Variants in USP32 observed in about 807,000 individuals in gnomAD.
USP32 encodes ubiquitin carboxyl-terminal hydrolase 32.
USP32 carries 59 observed loss-of-function variants against 204.8 expected under a neutral mutation model. The ratio of observed to expected loss-of-function variants is 0.29; its 90% CI spans 0.23 to 0.36. USP32 has a LOEUF of 0.36. USP32 is among the 10% of genes least tolerant of loss of function. The pLI is 1.00. For synonymous variants in USP32, 517 were observed against 678.4 expected, an observed-to-expected ratio of 0.76 and a Z score of 3.70; for missense variants, 1,160 against 1,946.4, an observed-to-expected ratio of 0.60 and a Z score of 7.60.
chr17:60,386,871 G>T (rs1369275018), intron 1 of USP32, among the ~76,000 whole-genome samples: 1 of 152,196 alleles, frequency 6.6e-6, no homozygotes, highest in Non-Finnish European at 1.5e-5. Flanking sequence ...TGAAATTAGT[G>T]AAACAGTGAG....
Position 60,198,451 on chromosome 17 carries a change from G to A in USP32, c.3250-7C>T, listed in dbSNP as rs758926881. ...AATACAGTTCTGTCCTCATCTGTAT[G>A]TACAAACAAGAGAATAGAGAGTTCA... On this transcript the variant is annotated splice_polypyrimidine_tract_variant and splice_region_variant and intron_variant, in intron 26 of 33. Coordinates refer to ENST00000300896, the MANE Select transcript of USP32 (RefSeq NM_032582.4). The A allele has an allele frequency of 6.2e-7, 1 of 1,613,166 alleles. No homozygotes were observed. Among genetic ancestry groups the A allele is most frequent in the Admixed American group, 1.7e-5 (1 of 59,766 alleles).
At chr17:60,281,074 A>G (rs1221770267) in intron 5 of USP32, among the ~76,000 whole-genome samples, 1 of 152,234 alleles carries the variant, frequency 6.6e-6, no homozygotes, top group African/African-American at 2.4e-5. Flanking sequence ...TAAGAAAAAC[A>G]CTGTCTTTCC....
At position 60,177,493 on chromosome 17, in the gene USP32, A is replaced by G. The variant is rs757228324; in HGVS notation, c.*1762T>C. On this transcript the variant is annotated 3_prime_UTR_variant, in exon 34 of 34. Transcript: ENST00000300896. ...AGTTCATGAATTAAAAAAATTAATT[A>G]CAACCAGTATAACAAACACAGATCA... Among the ~76,000 whole-genome samples, 7 of 152,244 alleles carry G rather than the reference A, an allele frequency of 4.6e-5. No individual in the cohort carries two copies. Among genetic ancestry groups the G allele is most frequent in the Admixed American group, 1.3e-4 (2 of 15,282 alleles).
chr17:60,289,512 T>C (rs747054770), intron 4 of USP32, among the ~76,000 whole-genome samples: 3 of 152,214 alleles, frequency 2.0e-5, no homozygotes, highest in Non-Finnish European at 4.4e-5. Flanking sequence ...AAGGCATCAC[T>C]GAAAACATGT....
chr17:60,229,407 T>C (rs114728992), intron 12 of USP32, among the ~76,000 whole-genome samples: 1,843 of 152,328 alleles, frequency 0.012, 28 homozygotes, highest in African/African-American at 0.041. Context: ...TTAATAACTA[T>C]TGCCCTAGTG....
At chr17:60,200,047 A>T (rs2084634863) in intron 26 of USP32, among the ~76,000 whole-genome samples, 1 of 152,160 alleles carries the variant, frequency 6.6e-6, no homozygotes, top group East Asian at 1.9e-4. Flanking sequence ...CACAAAAATT[A>T]TCTGGGCATG....
chr17:60,344,228 A>C (rs1201875799), intron 2 of USP32, among the ~76,000 whole-genome samples: 1 of 147,344 alleles, frequency 6.8e-6, no homozygotes, highest in Non-Finnish European at 1.5e-5. Context: ...TCCTGGGTTC[A>C]AGCAATTCTC....
chr17:60,312,923 G>A (rs908227272), intron 2 of USP32, among the ~76,000 whole-genome samples: 5 of 152,106 alleles, frequency 3.3e-5, no homozygotes, highest in African/African-American at 1.2e-4. Flanking sequence ...ACTTACTACT[G>A]ATAAAATTTC....
chr17:60,357,599 A>C (rs903853774), intron 1 of USP32, among the ~76,000 whole-genome samples: 2 of 152,186 alleles, frequency 1.3e-5, no homozygotes, highest in African/African-American at 4.8e-5. Context: ...GACAACTCCC[A>C]ATTCCTTATA....
intron 2 of USP32, among the ~76,000 whole-genome samples, chr17:60,344,527 C>T (rs916060190): frequency 1.2e-4 from 19 of 152,138 alleles, no homozygotes; most frequent in African/African-American, 4.3e-4. Flanking sequence ...ATAGCTCACT[C>T]TAGCCTCAAA....
At chr17:60,267,268 G>C (rs1267495205) in intron 7 of USP32, among the ~76,000 whole-genome samples, 1 of 151,596 alleles carries the variant, frequency 6.6e-6, no homozygotes, top group Non-Finnish European at 1.5e-5. Context: ...TTAGCTGGGC[G>C]TAGTGGCGGG....
Position 60,192,838 on chromosome 17 carries a change from C to G in USP32, c.3521+6G>C. 1.9e-6 allele frequency: 3 copies of G among 1,613,818 alleles called. No homozygotes were observed. Among genetic ancestry groups the G allele is most frequent in the Non-Finnish European group, 2.5e-6 (3 of 1,179,680 alleles). On this transcript the variant is annotated splice_donor_region_variant and intron_variant, in intron 28 of 33. Transcript: ENST00000300896. ...ACTAAAGTAATTCTTTTGCAGGTCA[C>G]TTTACCTATACCATGGGCACCAAGC...
At position 60,191,276 on chromosome 17, in the gene USP32, C is replaced by G. The variant is rs369212443; in HGVS notation, c.3522-593G>C. Among the ~76,000 whole-genome samples, 11 of 151,462 alleles carry G rather than the reference C, an allele frequency of 7.3e-5. No homozygotes were observed. In the East Asian group the frequency reaches 2.2e-3, roughly 30 times the overall value. Reference sequence around the variant, plus strand: ...AATTAGCCAGGCATGGTGGCAGGCACCTATAATCCCAGCTACTTGGGAGGC... The same window carrying G: ...AATTAGCCAGGCATGGTGGCAGGCAGCTATAATCCCAGCTACTTGGGAGGC... On this transcript the variant is annotated intron_variant, in intron 28 of 33. Coordinates refer to ENST00000300896, the MANE Select transcript of USP32 (RefSeq NM_032582.4).
At chr17:60,314,832 A>AG (rs1301214675) in intron 2 of USP32, among the ~76,000 whole-genome samples, 1 of 152,208 alleles carries the variant, frequency 6.6e-6, no homozygotes, top group Non-Finnish European at 1.5e-5. Flanking sequence ...AAGCACTGAG[A>AG]GGGAAAAAGG....
At chr17:60,287,470 G>A (rs1023568895) in intron 5 of USP32, among the ~76,000 whole-genome samples, 2 of 152,098 alleles carry the variant, frequency 1.3e-5, no homozygotes, top group African/African-American at 2.4e-5. Context: ...TGGGGAGGTT[G>A]GGCTTTGAGC....
At chr17:60,346,792 A>G (rs1242912232) in intron 1 of USP32, among the ~76,000 whole-genome samples, 1 of 152,234 alleles carries the variant, frequency 6.6e-6, no homozygotes, top group Non-Finnish European at 1.5e-5. Context: ...AGGCTAAACC[A>G]AGCAAAATGA....
At chr17:60,216,580 C>T (rs1443450440) in intron 16 of USP32, among the ~76,000 whole-genome samples, 6 of 152,256 alleles carry the variant, frequency 3.9e-5, no homozygotes, top group Non-Finnish European at 5.9e-5. Flanking sequence ...AAAGGAATTC[C>T]CTCACCTAAG....
chr17:60,261,627 C>A (rs1019619396), intron 9 of USP32, among the ~76,000 whole-genome samples: 5 of 151,736 alleles, frequency 3.3e-5, no homozygotes, highest in Non-Finnish European at 5.9e-5. Flanking sequence ...GCCTGGGTGA[C>A]AGAGCAAGAC....
upstream of USP32, among the ~76,000 whole-genome samples, chr17:60,393,062 A>G (rs1352961371): frequency 6.6e-6 from 1 of 152,078 alleles, no homozygotes. Context: ...GCCACGTCCC[A>G]TTTCCCACCG....
Sources: allele counts gnomAD v4.1 joint callset (sites outside exome capture counted in the v4.1 genomes callset), GRCh38; gene constraint gnomAD v4.1.1; transcripts MANE v1.5; gene names NCBI Gene and HGNC (gene_info 2026-07-23, HGNC 2026-07-21).